SASH1: variants seen among roughly 807,000 people sequenced by gnomAD.
The protein encoded by SASH1 is SAM and SH3 domain containing 1, also known as SAM and SH3 domain-containing protein 1.
A neutral mutation model predicts 125.2 loss-of-function variants in SASH1; 44 were observed. The observed-to-expected ratio is 0.35, with a 90% CI of 0.28 to 0.45. SASH1 has a LOEUF of 0.45. Ranked by LOEUF, SASH1 falls within the 20% of genes least tolerant of loss-of-function variation. The probability of loss-of-function intolerance (pLI) is 1.00; values close to 1 mark genes in which losing one functional copy is unlikely to be tolerated. For synonymous variants in SASH1, 639 were observed against 649.1 expected (o/e 0.98, Z 0.24); for missense variants, 1,426 against 1,614.5 (o/e 0.88, Z 2.00).
intron 1 of SASH1, among the ~76,000 whole-genome samples, chr6:148,274,722 T>C (rs6900124): frequency 0.41 from 62,404 of 151,986 alleles, 12,869 homozygotes; most frequent in South Asian, 0.5. Flanking sequence ...TTATTTTAAC[T>C]AACCTAATTA....
chr6:148,373,372 G>A (rs1346175346), intron 1 of SASH1, among the ~76,000 whole-genome samples: 1 of 152,130 alleles, frequency 6.6e-6, no homozygotes, highest in South Asian at 2.1e-4. Flanking sequence ...GGCCAAGGTG[G>A]AGTGGCTCTG....
At chr6:148,517,216 A>G (rs1319052043) in intron 9 of SASH1, among the ~76,000 whole-genome samples, 1 of 152,180 alleles carries the variant, frequency 6.6e-6, no homozygotes, top group African/African-American at 2.4e-5. Flanking sequence ...ATTATTACAG[A>G]TGAGGAAACA....
At chr6:148,516,503 TCC>T (rs1780449517) in intron 9 of SASH1, among the ~76,000 whole-genome samples, 5 of 42,226 alleles carry the variant, frequency 1.2e-4, no homozygotes, top group Admixed American at 4.6e-4. Context: ...CCCTCCCCCC[TCC>T]CCCCTCCCCC....
intron 1 of SASH1, among the ~76,000 whole-genome samples, chr6:148,380,172 CG>C (rs1218357502): frequency 1.3e-5 from 2 of 152,070 alleles, no homozygotes; most frequent in Non-Finnish European, 2.9e-5. Flanking sequence ...CCAGTTGCGC[CG>C]GGGAGCTGTG....
chr6:148,260,383 G>A, the SASH1 span, among the ~76,000 whole-genome samples: 2 of 152,086 alleles, frequency 1.3e-5, no homozygotes, highest in African/African-American at 2.4e-5. Flanking sequence ...AAGGTGGGAG[G>A]ATCATCTGAG....
In SASH1 at chr6:148,342,931, C is replaced by A; in HGVS notation, c.-137C>A. 1 of 808,036 alleles carries A rather than the reference C, an allele frequency of 1.2e-6. No homozygotes were observed. The highest frequency in any genetic ancestry group is 1.5e-6 in the Non-Finnish European group (1 of 667,976). 50.1% of individuals were successfully genotyped at this position (808,036 alleles called of 1,614,324 possible). On this transcript the variant is annotated 5_prime_UTR_variant, in exon 1 of 20. Coordinates refer to ENST00000367467, the MANE Select transcript of SASH1 (RefSeq NM_015278.5). ...AAGGGCCCCCGCGGGGTGGCCGGGG[C>A]CGCCGGGGCATGCAGCGCGGGGGCG...
chr6:148,409,753 G>T (rs111590629), intron 2 of SASH1, among the ~76,000 whole-genome samples: 1 of 152,112 alleles, frequency 6.6e-6, no homozygotes, highest in African/African-American at 2.4e-5. Flanking sequence ...GGCCAACATG[G>T]TGAAACCCCA....
At chr6:148,448,540 G>A (rs1776920989) in intron 4 of SASH1, among the ~76,000 whole-genome samples, 1 of 152,044 alleles carries the variant, frequency 6.6e-6, no homozygotes, top group Non-Finnish European at 1.5e-5. Flanking sequence ...TGGTGGCTGC[G>A]ACTTTGCCAC....
the SASH1 span, among the ~76,000 whole-genome samples, chr6:148,226,913 G>A: frequency 1.3e-5 from 2 of 152,222 alleles, no homozygotes; most frequent in Non-Finnish European, 2.9e-5. Context: ...GGAATGCCCT[G>A]ATTGGTTTAG....
chr6:148,544,697 A>T lies in SASH1; in HGVS notation c.3227A>T (p.Lys1076Met). 6.2e-7 allele frequency: 1 copy of T among 1,612,372 alleles called. No homozygotes were observed. The highest frequency in any genetic ancestry group is 8.5e-7 in the Non-Finnish European group (1 of 1,179,272). Residue 1076 changes from lysine to methionine, a missense_variant, in exon 18 of 20, where the codon AAG becomes ATG. Transcript: ENST00000367467. The surrounding 1 kb of genome is among the most constrained non-coding windows in gnomAD (Gnocchi z 6.4). ...ENTSLQEHGV[K>M]LGPALTRKVS... Reference sequence around the variant, plus strand: ...ACAAGCCTCCAGGAGCACGGTGTGAAGCTGGGCCCGGCTTTGACCAGGAAG... The same window carrying T: ...ACAAGCCTCCAGGAGCACGGTGTGATGCTGGGCCCGGCTTTGACCAGGAAG...
chr6:148,451,303 T>C (rs1325851757), intron 4 of SASH1, among the ~76,000 whole-genome samples: 4 of 152,222 alleles, frequency 2.6e-5, no homozygotes, highest in Non-Finnish European at 5.9e-5. Flanking sequence ...CCAACATGTG[T>C]CAGTGTCTCC....
chr6:148,497,773 A>T (rs1277785280), intron 8 of SASH1, among the ~76,000 whole-genome samples: 1 of 152,194 alleles, frequency 6.6e-6, no homozygotes, highest in Non-Finnish European at 1.5e-5. Context: ...TTTATTTTCT[A>T]TTTCAGAAGG....
At chr6:148,489,301 G>A (rs546126960) in intron 8 of SASH1, among the ~76,000 whole-genome samples, 15 of 152,066 alleles carry the variant, frequency 9.9e-5, no homozygotes, top group African/African-American at 3.4e-4. Flanking sequence ...GTATTTCTGG[G>A]CTCTCTATTT....
chr6:148,357,886 C>T (rs144062005), intron 1 of SASH1, among the ~76,000 whole-genome samples: 3 of 151,592 alleles, frequency 2.0e-5, no homozygotes, highest in Non-Finnish European at 4.4e-5. Flanking sequence ...ATGATGAAAC[C>T]CCGTCTCTAC....
rs567374520 is a variant in SASH1, at chr6:148,501,514, C to T, written c.730-12810C>T. On this transcript the variant is annotated intron_variant, in intron 8 of 19. Coordinates refer to ENST00000367467, the MANE Select transcript of SASH1 (RefSeq NM_015278.5). ...TGCTTTAGTCTTCAGTGTGTCTGAT[C>T]CCATAGATTTGCTCTGGATAACACT... Among the ~76,000 whole-genome samples, 3 of 152,226 alleles carry T rather than the reference C, an allele frequency of 2.0e-5. No individual in the cohort carries two copies. The South Asian group carries it at 6.2e-4, about 32-fold the overall frequency.
chr6:148,447,827 CA>C (rs1339277576), intron 4 of SASH1, among the ~76,000 whole-genome samples: 1 of 152,084 alleles, frequency 6.6e-6, no homozygotes, highest in African/African-American at 2.4e-5. Flanking sequence ...GCTCCCTAGG[CA>C]GAGCAAAAGC....
rs760353451 is a variant in SASH1 at position 148,529,780 on chromosome 6, G to C, written c.1429-1746G>C. Among the ~76,000 whole-genome samples the C allele has an allele frequency of 2.0e-5, 3 of 151,742 alleles. No homozygotes were observed. Among genetic ancestry groups the C allele is most frequent in the Admixed American group, 1.3e-4 (2 of 15,242 alleles). On this transcript the variant is annotated intron_variant, in intron 12 of 19. Transcript: ENST00000367467. This position sits in a 1 kb window ranked among gnomAD's most constrained non-coding sequence, Gnocchi z 4.2. ...AATTTTCTGTAAAGCAAAAATAATG[G>C]AAGGTTTTATGTGGTTGTTTTTTTT... is the stretch of plus-strand genomic sequence containing the variant.
chr6:148,294,543 C>T (rs1371793723), intron 1 of SASH1, among the ~76,000 whole-genome samples: 2 of 152,152 alleles, frequency 1.3e-5, no homozygotes, highest in East Asian at 1.9e-4. Flanking sequence ...TTGCTTAGCA[C>T]CCTGCCTGGA....
chr6:148,374,704 T>TTG (rs1491381140), intron 1 of SASH1, among the ~76,000 whole-genome samples: 18 of 125,672 alleles, frequency 1.4e-4, no homozygotes, highest in African/African-American at 5.3e-4. Flanking sequence ...GCATTTTTTT[T>TTG]GGGGGGGGGG....
Sources: gnomAD v4.1 joint callset for allele counts (sites outside exome capture counted in the v4.1 genomes callset) on GRCh38, gnomAD v4.1.1 for gene constraint, Gnocchi (gnomAD v3.1) non-coding constraint, MANE v1.5 for transcripts, NCBI Gene and HGNC (gene_info 2026-07-23, HGNC 2026-07-21) for gene names.